FRMPD4: variants seen among roughly 807,000 people sequenced by gnomAD.
FRMPD4 encodes the protein FERM and PDZ domain-containing protein 4.
A neutral mutation model predicts 94.1 loss-of-function variants in FRMPD4; 22 were observed. That is an observed-to-expected ratio of 0.23 (90% CI 0.17 to 0.33). The LOEUF is 0.33. Among genes scored for constraint, FRMPD4 ranks in the 10% least tolerant of loss-of-function variants. The probability of loss-of-function intolerance (pLI) is 1.00; values close to 1 mark genes in which losing one functional copy is unlikely to be tolerated. For missense variants in FRMPD4, 1,111 were observed against 1,339.9 expected, an observed-to-expected ratio of 0.83 and a Z score of 2.67; for synonymous variants, 631 against 548.6, an observed-to-expected ratio of 1.15 and a Z score of -2.10.
intron 2 of FRMPD4, among the ~76,000 whole-genome samples, chrX:12,576,463 A>G (rs2058812852): frequency 8.9e-6 from 1 of 112,712 alleles, no homozygotes; most frequent in African/African-American, 3.2e-5. Context: ...AGAGAAATTT[A>G]TATTTATACC....
chrX:12,524,984 G>A (rs1271041708), intron 2 of FRMPD4, among the ~76,000 whole-genome samples: 2 of 111,235 alleles, frequency 1.8e-5, no homozygotes, highest in African/African-American at 3.3e-5. Context: ...TAGCTCATCA[G>A]GTATCATTAG....
intron 4 of FRMPD4, among the ~76,000 whole-genome samples, chrX:12,657,501 G>GT (rs1028258541): frequency 1.7e-4 from 19 of 111,214 alleles, no homozygotes; most frequent in Non-Finnish European, 2.8e-4. Context: ...TAGTTTTGGG[G>GT]TTTTTTTTAA....
chrX:12,466,482 TAACA>T (rs770397202), intron 1 of FRMPD4, among the ~76,000 whole-genome samples: 2 of 112,487 alleles, frequency 1.8e-5, no homozygotes, highest in Non-Finnish European at 3.8e-5. Context: ...TCAGCAGGCC[TAACA>T]GATTTTCCTG....
At chrX:12,517,394 T>A (rs767048143) in intron 2 of FRMPD4, among the ~76,000 whole-genome samples, 7 of 112,939 alleles carry the variant, frequency 6.2e-5, no homozygotes, top group Non-Finnish European at 9.4e-5. Context: ...TTGTGGTGAC[T>A]TTTTTGTTGA....
chrX:12,014,542 C>T (rs1475482384), intron 3 of FRMPD4, among the ~76,000 whole-genome samples: 3 of 111,222 alleles, frequency 2.7e-5, no homozygotes, highest in Non-Finnish European at 5.7e-5. Flanking sequence ...ACTTGGTGCC[C>T]GTTTTACAGA....
chrX:11,895,164 G>A (rs1005246947), intron 3 of FRMPD4, among the ~76,000 whole-genome samples: 5 of 111,840 alleles, frequency 4.5e-5, no homozygotes, highest in African/African-American at 1.6e-4. Context: ...ATTGACTTTG[G>A]GACCAAGTGA....
chrX:12,541,241 G>A (rs759778850), intron 2 of FRMPD4, among the ~76,000 whole-genome samples: 5 of 111,603 alleles, frequency 4.5e-5, no homozygotes, highest in Non-Finnish European at 7.5e-5. Context: ...ACTAAGATCA[G>A]AGCAGAACTG....
intron 1 of FRMPD4, among the ~76,000 whole-genome samples, chrX:12,432,813 C>A (rs183471439): frequency 8.9e-6 from 1 of 112,264 alleles, no homozygotes; most frequent in Non-Finnish European, 1.9e-5. Flanking sequence ...GTTGCCCAGG[C>A]TGGTCTCAAA....
rs567651673 is a variant in FRMPD4, at chrX:12,095,614, C to G, written c.95+217596C>G. Among the ~76,000 whole-genome samples, 16 of 110,752 alleles carry G rather than the reference C, an allele frequency of 1.4e-4. No individual in the cohort carries two copies. In the South Asian group the frequency reaches 3.9e-3, roughly 27 times the overall value. The stretch of plus-strand genomic sequence containing the variant: ...CAGACAAAGTTTGCTGACCTCTGCT[C>G]TAGTCCAGCAAAAAGGTCATCAGTT... On this transcript the variant is annotated intron_variant, in intron 3 of 18. Coordinates refer to the FRMPD4 transcript ENST00000640291.
At chrX:12,576,707 C>T (rs1306666017) in intron 2 of FRMPD4, among the ~76,000 whole-genome samples, 2 of 112,757 alleles carry the variant, frequency 1.8e-5, no homozygotes, top group Non-Finnish European at 3.8e-5. Context: ...TCGGATGGGG[C>T]TCTTTCCACA....
At chrX:12,027,634 T>G in intron 3 of FRMPD4, among the ~76,000 whole-genome samples, 1 of 111,724 alleles carries the variant, frequency 9.0e-6, no homozygotes, top group East Asian at 2.8e-4. Flanking sequence ...CAAATAAAAA[T>G]ATTTCAGTCC....
chrX:12,049,209 G>A (rs1295288816), intron 3 of FRMPD4, among the ~76,000 whole-genome samples: 4 of 111,072 alleles, frequency 3.6e-5, no homozygotes, highest in East Asian at 5.7e-4. Context: ...TACCTCCTTC[G>A]TTAGATGTCT....
At position 12,230,904 on chromosome X, in the gene FRMPD4, A is replaced by ATT. The variant is rs1320337615; in HGVS notation, c.41+91893_41+91894insTT. The stretch of plus-strand genomic sequence containing the variant: ...AATATATACTATATATATACTATAT[A>ATT]TACTATATATATTACTATATTACTA... On this transcript the variant is annotated intron_variant, in intron 1 of 16. Transcript: ENST00000675598. 2.8e-4 allele frequency among the ~76,000 whole-genome samples: 24 copies of ATT among 85,767 alleles called. No homozygotes were observed. In the South Asian group the frequency reaches 4.0e-3, roughly 14 times the overall value. The allele number at this position is 85,767 out of a possible 115,157, so 74.5% of individuals were successfully genotyped here. A position where few individuals can be genotyped will look rare whatever the true frequency, so the allele number is the denominator to read the frequency against.
chrX:12,179,668 A>G (rs1241071769), intron 1 of FRMPD4, among the ~76,000 whole-genome samples: 1 of 111,839 alleles, frequency 8.9e-6, no homozygotes, highest in East Asian at 2.8e-4. Context: ...CAACGCGTGC[A>G]GAATGCAATC....
intron 1 of FRMPD4, among the ~76,000 whole-genome samples, chrX:12,217,576 G>A (rs2056821477): frequency 8.9e-6 from 1 of 112,062 alleles, no homozygotes; most frequent in African/African-American, 3.2e-5. Flanking sequence ...TGGCAAACTG[G>A]ATTTTCATTA....
At chrX:12,132,626 T>C (rs1332992196) in intron 3 of FRMPD4, among the ~76,000 whole-genome samples, 1 of 111,012 alleles carries the variant, frequency 9.0e-6, no homozygotes, top group South Asian at 3.8e-4. Flanking sequence ...AAAAAAGACA[T>C]TGAGAAGACG....
intron 4 of FRMPD4, among the ~76,000 whole-genome samples, chrX:12,663,045 G>C (rs965109277): frequency 1.3e-4 from 15 of 111,879 alleles, no homozygotes; most frequent in African/African-American, 6.5e-5. Flanking sequence ...TTTTTGATAG[G>C]GTTGTTTGGT....
At chrX:12,092,192 C>T (rs527761660) in intron 3 of FRMPD4, among the ~76,000 whole-genome samples, 1 of 112,014 alleles carries the variant, frequency 8.9e-6, no homozygotes, top group South Asian at 3.7e-4. Context: ...TATCATTGGA[C>T]ATAAACATAG....
At chrX:12,574,071 G>A (rs2058785673) in intron 2 of FRMPD4, among the ~76,000 whole-genome samples, 1 of 112,367 alleles carries the variant, frequency 8.9e-6, no homozygotes, top group African/African-American at 3.2e-5. Context: ...CATGGTCTCA[G>A]CTCACTGCAA....
Sources: allele counts gnomAD v4.1 joint callset (sites outside exome capture counted in the v4.1 genomes callset), GRCh38; gene constraint gnomAD v4.1.1; transcripts MANE v1.5; gene names NCBI Gene and HGNC (gene_info 2026-07-23, HGNC 2026-07-21).